The following CFAP43 variants were observed in gnomAD, a reference collection of about 807,000 sequenced individuals.
The protein encoded by CFAP43 is cilia and flagella associated protein 43.
Under a neutral mutation model 218.9 loss-of-function variants are expected in CFAP43, and 155 were observed. The observed-to-expected ratio is 0.71, with a 90% CI of 0.62 to 0.81. CFAP43 has a LOEUF of 0.81. Ranked by LOEUF, CFAP43 falls within the 30% of genes least tolerant of loss-of-function variation. The pLI is 0.00. For synonymous variants in CFAP43, 645 were observed against 681.3 expected (o/e 0.95, Z 0.83); for missense variants, 1,778 against 1,954.3 (o/e 0.91, Z 1.70).
chr10:104,193,937 G>T lies in CFAP43; in HGVS notation c.1371C>A (p.Ser457Arg), dbSNP rs755014143. 2 of 1,613,938 alleles carry T rather than the reference G, an allele frequency of 1.2e-6. No homozygotes were observed. Among genetic ancestry groups the T allele is most frequent in the African/African-American group, 2.7e-5 (2 of 74,882 alleles). Residue 457 changes from serine to arginine, a missense_variant, in exon 11 of 38, where the codon AGC becomes AGA. Transcript: ENST00000357060. ...CCTGAGGGGATTCCTTATCATATAC[G>T]CTGATGAAGTAGACCGAGCCATCCT... ...GTEDGSVYFI[S>R]VYDKESPQVV...
chr10:104,167,687 C>T lies in CFAP43; in HGVS notation c.2742G>A (p.Thr914=), dbSNP rs146139626. 17 of 1,611,932 alleles carry T rather than the reference C, an allele frequency of 1.1e-5. No homozygotes were observed. Among genetic ancestry groups the T allele is most frequent in the Admixed American group, 6.7e-5 (4 of 59,364 alleles). ...VVENFPMKAR[T]VEELKELERV... ...TTTCCAATTCTTTCAGCTCTTCAAC[C>T]GTGCGCGCTTTCATCGGGAAGTTTT... Residue 914 remains threonine (T), a synonymous_variant, in exon 22 of 38, where the codon ACG becomes ACA. Transcript: ENST00000357060.
At chr10:104,228,376 T>C (rs1479812874) in intron 2 of CFAP43, among the ~76,000 whole-genome samples, 1 of 152,124 alleles carries the variant, frequency 6.6e-6, no homozygotes, top group Non-Finnish European at 1.5e-5. Context: ...TTAGATTCTG[T>C]CCCAAGTCTT....
Position 104,232,184 on chromosome 10 carries a change from C to T in CFAP43, c.63G>A (p.Val21=), listed in dbSNP as rs756696133. The T allele has an allele frequency of 6.2e-7, 1 of 1,609,294 alleles. No homozygotes were observed. The highest frequency in any genetic ancestry group is 1.1e-5 in the South Asian group (1 of 90,478). The change falls in exon 1 of 38, where the codon GTG becomes GTA. Residue 21 remains valine, a splice_region_variant and synonymous_variant. Coordinates refer to ENST00000357060, the MANE Select transcript of CFAP43 (RefSeq NM_025145.7). ...PHSAGGASLS[V]RWVQGFPKQN... The stretch of plus-strand genomic sequence containing the variant: ...TCGCGGGGCCGTGAACACCGCACCT[C>T]ACGGACAAGGACGCGCCGCCGGCGG...
At chr10:104,162,530 A>T in intron 24 of CFAP43, 127 bp from the exon 25 acceptor site, 1 of 763,076 alleles carries the variant, frequency 1.3e-6, no homozygotes, top group Non-Finnish European at 2.2e-6. Context: ...CTTTGCACCC[A>T]ATTTTCTGTT....
At chr10:104,163,750 T>G (rs1273040857) in intron 24 of CFAP43, among the ~76,000 whole-genome samples, 1 of 152,132 alleles carries the variant, frequency 6.6e-6, no homozygotes, top group Non-Finnish European at 1.5e-5. Flanking sequence ...GACCAGCTAC[T>G]TTCTCATGTG....
chr10:104,148,529 C>G (rs974100785), intron 28 of CFAP43, among the ~76,000 whole-genome samples: 2 of 152,092 alleles, frequency 1.3e-5, no homozygotes, highest in Non-Finnish European at 2.9e-5. Context: ...GGGTATGGGT[C>G]CCTCATGAAT....
chr10:104,182,562 A>G, intron 16 of CFAP43, 49 bp from the exon 17 acceptor site: 1 of 1,504,178 alleles, frequency 6.6e-7, no homozygotes. Flanking sequence ...TCATAATTTA[A>G]AAAATCACAT....
intron 2 of CFAP43, among the ~76,000 whole-genome samples, chr10:104,230,018 T>C (rs1384263559): frequency 6.6e-6 from 1 of 152,224 alleles, no homozygotes; most frequent in Non-Finnish European, 1.5e-5. Context: ...TGAGTAGCTC[T>C]GATGTGGGAG....
intron 12 of CFAP43, among the ~76,000 whole-genome samples, chr10:104,188,972 A>G (rs1471831294): frequency 1.3e-5 from 2 of 152,060 alleles, no homozygotes; most frequent in Non-Finnish European, 2.9e-5. Context: ...GCAGGTGCCC[A>G]CTTTCTCAGG....
chr10:104,203,226 G>T (rs1398386261), intron 8 of CFAP43, among the ~76,000 whole-genome samples: 1 of 152,220 alleles, frequency 6.6e-6, no homozygotes, highest in East Asian at 1.9e-4. Context: ...TTGACCCGGG[G>T]TAGACACGTG....
intron 35 of CFAP43, chr10:104,132,474 C>T (rs1045261040): frequency 2.5e-5 from 6 of 243,320 alleles, no homozygotes; most frequent in Non-Finnish European, 4.0e-5. Flanking sequence ...ATTAGTTGGG[C>T]GTGGTGGCAC....
chr10:104,159,533 C>G (rs1361413705), intron 27 of CFAP43, among the ~76,000 whole-genome samples: 2 of 152,076 alleles, frequency 1.3e-5, no homozygotes, highest in Admixed American at 1.3e-4. Context: ...GGGATGGTGA[C>G]TAGTGCACCA....
At chr10:104,177,177 C>T (rs2134862518) in intron 19 of CFAP43, among the ~76,000 whole-genome samples, 1 of 152,086 alleles carries the variant, frequency 6.6e-6, no homozygotes, top group African/African-American at 2.4e-5. Context: ...AAGAAAACAC[C>T]TAGGGTCCTG....
chr10:104,160,950 G>A, intron 27 of CFAP43, 87 bp downstream of exon 27: 1 of 1,317,812 alleles, frequency 7.6e-7, no homozygotes, highest in East Asian at 2.4e-5. Flanking sequence ...AGCTATTAAA[G>A]ATATCGACAA....
intron 5 of CFAP43, among the ~76,000 whole-genome samples, chr10:104,210,997 T>C (rs1191078701): frequency 6.6e-6 from 1 of 151,908 alleles, no homozygotes; most frequent in Non-Finnish European, 1.5e-5. Flanking sequence ...TTCACTGTGT[T>C]AACCAGGATG....
intron 7 of CFAP43, among the ~76,000 whole-genome samples, chr10:104,205,212 C>CAAAAAAAAAA (rs71022723): frequency 1.1e-3 from 64 of 55,914 alleles, no homozygotes; most frequent in East Asian, 2.0e-3. Context: ...GACTCCGTCT[C>CAAAAAAAAAA]AAAAAAAAAA....
intron 28 of CFAP43, among the ~76,000 whole-genome samples, chr10:104,151,072 T>C (rs557169731): frequency 6.6e-6 from 1 of 152,326 alleles, no homozygotes; most frequent in African/African-American, 2.4e-5. Context: ...AAGGACATGA[T>C]CTCATTCTTT....
intron 3 of CFAP43, among the ~76,000 whole-genome samples, chr10:104,215,460 C>T (rs557457853): frequency 6.6e-6 from 1 of 152,292 alleles, no homozygotes; most frequent in Admixed American, 6.5e-5. Flanking sequence ...GCTGGAATCT[C>T]TGGTTCCCTT....
chr10:104,214,088 C>T (rs11191950), intron 4 of CFAP43, among the ~76,000 whole-genome samples, 171 bp downstream of exon 4: 20,825 of 152,152 alleles, frequency 0.14, 1,497 homozygotes, highest in South Asian at 0.21. Flanking sequence ...AAGGTAATCA[C>T]GCATGTAGAA....
Sources: allele counts gnomAD v4.1 joint callset (sites outside exome capture counted in the v4.1 genomes callset), GRCh38; gene constraint gnomAD v4.1.1; transcripts MANE v1.5; gene names NCBI Gene and HGNC (gene_info 2026-07-23, HGNC 2026-07-21).